The following CACNB2 variants were observed in gnomAD, a reference collection of about 807,000 sequenced individuals.
CACNB2 encodes calcium voltage-gated channel auxiliary subunit beta 2.
In CACNB2, 42 loss-of-function variants were observed where a neutral mutation model predicts 73.3. The ratio of observed to expected loss-of-function variants is 0.57; its 90% CI spans 0.45 to 0.74. The LOEUF (loss-of-function observed/expected upper bound fraction) is 0.74. CACNB2 is among the 30% of genes least tolerant of loss of function. The pLI is 0.00. For missense variants in CACNB2, 940 were observed against 853.0 expected, an observed-to-expected ratio of 1.10 and a Z score of -1.27; for synonymous variants, 348 against 310.3, an observed-to-expected ratio of 1.12 and a Z score of -1.28.
rs757040188 is a variant in CACNB2 at position 18,538,377 on chromosome 10, T to TTTTATATATATCTATATATAC, written c.1488+13_1488+33dup. ...CCTCTAATTCACAGGTAAGGGGAGT[T>TTTTATATATATCTATATATAC]TTTATATATATCTATATATACAATC... is the stretch of plus-strand genomic sequence containing the variant. On this transcript the variant is annotated intron_variant, in intron 13 of 13. Transcript: ENST00000324631. 4.1e-3 allele frequency: 6,655 copies of TTTTATATATATCTATATATAC among 1,609,424 alleles called. 28 individuals are homozygous for TTTTATATATATCTATATATAC. Among genetic ancestry groups the TTTTATATATATCTATATATAC allele is most frequent in the Non-Finnish European group, 5.3e-3 (6,210 of 1,175,750 alleles).
At chr10:18,499,940 C>T (rs960129869) in intron 4 of CACNB2, among the ~76,000 whole-genome samples, 1 of 152,016 alleles carries the variant, frequency 6.6e-6, no homozygotes, top group Non-Finnish European at 1.5e-5. Context: ...CACTGCACTC[C>T]AGCCTGGGCG....
At chr10:18,192,042 A>T (rs182267160) in intron 2 of CACNB2, among the ~76,000 whole-genome samples, 2 of 151,860 alleles carry the variant, frequency 1.3e-5, no homozygotes, top group Admixed American at 6.6e-5. Flanking sequence ...GGTACAAGTG[A>T]AATGGAAAGA....
chr10:18,535,606 A>G (rs955731151), intron 11 of CACNB2, among the ~76,000 whole-genome samples: 2 of 151,902 alleles, frequency 1.3e-5, no homozygotes, highest in African/African-American at 4.8e-5. Flanking sequence ...CCCCGTCTCT[A>G]CTAAAAATAC....
intron 2 of CACNB2, among the ~76,000 whole-genome samples, chr10:18,237,011 TG>T (rs1406558347): frequency 3.9e-5 from 6 of 152,148 alleles, no homozygotes; most frequent in Non-Finnish European, 8.8e-5. Context: ...GCAAGGCAAG[TG>T]CAAACATGGA....
chr10:18,339,062 C>T (rs145222736), intron 2 of CACNB2, among the ~76,000 whole-genome samples: 1 of 152,140 alleles, frequency 6.6e-6, no homozygotes, highest in East Asian at 1.9e-4. Flanking sequence ...TTTACTACAG[C>T]CCCTCGGTGT....
chr10:18,423,987 T>A (rs561102354), intron 3 of CACNB2, among the ~76,000 whole-genome samples: 4 of 152,042 alleles, frequency 2.6e-5, no homozygotes, highest in Non-Finnish European at 5.9e-5. Flanking sequence ...TCTTCTCAAT[T>A]TTTTTTGAAA....
intron 2 of CACNB2, among the ~76,000 whole-genome samples, chr10:18,195,705 G>A (rs1037478268): frequency 5.9e-5 from 9 of 152,232 alleles, no homozygotes; most frequent in African/African-American, 2.2e-4. Flanking sequence ...TGTGATACCT[G>A]CATTCGTTGA....
At chr10:18,308,586 A>G (rs1156333344) in intron 2 of CACNB2, among the ~76,000 whole-genome samples, 3 of 152,190 alleles carry the variant, frequency 2.0e-5, no homozygotes, top group Non-Finnish European at 2.9e-5. Context: ...TAAAATGGCA[A>G]TGCTGTAAAA....
chr10:18,400,558 C>T (rs1036726321), intron 2 of CACNB2: 117 of 994,272 alleles, frequency 1.2e-4, no homozygotes, highest in Non-Finnish European at 1.4e-4. Flanking sequence ...CCTCCCTCCG[C>T]CTCCCCCCTC....
rs2045857065 is a variant in CACNB2 at position 18,430,873 on chromosome 10, C to A, written c.333+28830C>A. Among the ~76,000 whole-genome samples the A allele has an allele frequency of 2.0e-5, 3 of 152,184 alleles. No individual in the cohort carries two copies. In the South Asian group the frequency reaches 6.2e-4, roughly 32 times the overall value. Reference sequence around the variant, plus strand: ...CCATTTTTGTATTTGCAGTTAGTGTCAACTGAAGGGATTAAGAAGATAATC... The same window carrying A: ...CCATTTTTGTATTTGCAGTTAGTGTAAACTGAAGGGATTAAGAAGATAATC... On this transcript the variant is annotated intron_variant, in intron 3 of 13. Coordinates refer to ENST00000324631, the MANE Select transcript of CACNB2 (RefSeq NM_201596.3).
In CACNB2 at chr10:18,437,063, A is replaced by G. The variant is rs541559191; in HGVS notation, c.333+35020A>G. ...TAAGTCACCTGATACATTTGACTTA[A>G]ATGTTTAAATAGAGATTTAACATTT... On this transcript the variant is annotated intron_variant, in intron 3 of 13. Coordinates refer to ENST00000324631, the MANE Select transcript of CACNB2 (RefSeq NM_201596.3). 3.0e-4 allele frequency among the ~76,000 whole-genome samples: 46 copies of G among 152,364 alleles called. No individual in the cohort carries two copies. In the East Asian group the frequency reaches 4.6e-3, roughly 15 times the overall value.
chr10:18,320,451 TG>T (rs1417207628), intron 2 of CACNB2, among the ~76,000 whole-genome samples: 44 of 152,334 alleles, frequency 2.9e-4, no homozygotes, highest in African/African-American at 9.9e-4. Context: ...GCAAAAATTT[TG>T]AAAAACTAGT....
At chr10:18,508,315 G>C (rs1275473839) in intron 6 of CACNB2, among the ~76,000 whole-genome samples, 1 of 152,116 alleles carries the variant, frequency 6.6e-6, no homozygotes, top group Non-Finnish European at 1.5e-5. Flanking sequence ...GAAAATGAAA[G>C]GCCCTGTAGG....
intron 3 of CACNB2, among the ~76,000 whole-genome samples, chr10:18,492,286 C>T (rs529100976): frequency 1.7e-3 from 254 of 152,316 alleles, no homozygotes; most frequent in African/African-American, 5.7e-3. Context: ...GGGACACAAA[C>T]TCAAACCATA....
At chr10:18,473,423 C>T (rs921395118) in intron 3 of CACNB2, among the ~76,000 whole-genome samples, 1 of 152,222 alleles carries the variant, frequency 6.6e-6, no homozygotes, top group South Asian at 2.1e-4. Context: ...AAAATATTGC[C>T]AGGCCCCAAG....
At chr10:18,450,567 C>T (rs74121231) in intron 3 of CACNB2, among the ~76,000 whole-genome samples, 5 of 151,248 alleles carry the variant, frequency 3.3e-5, no homozygotes, top group Admixed American at 6.6e-5. Context: ...TGTCAGAGTA[C>T]GGGAGAGGGA....
chr10:18,305,417 A>C (rs971824202), intron 2 of CACNB2, among the ~76,000 whole-genome samples: 2 of 152,330 alleles, frequency 1.3e-5, no homozygotes, highest in South Asian at 4.1e-4. Context: ...GTTGAAGTGG[A>C]GATTTGGCTA....
At chr10:18,338,692 T>G (rs1403185538) in intron 2 of CACNB2, among the ~76,000 whole-genome samples, 2 of 149,346 alleles carry the variant, frequency 1.3e-5, no homozygotes, top group Non-Finnish European at 3.0e-5. Context: ...CTTCCTTCCT[T>G]CCTTCCTTCC....
At chr10:18,339,048 G>A (rs538595868) in intron 2 of CACNB2, among the ~76,000 whole-genome samples, 9 of 152,026 alleles carry the variant, frequency 5.9e-5, no homozygotes, top group South Asian at 2.1e-4. Flanking sequence ...CCTGTTTCCC[G>A]TTTTTTACTA....
Sources: gnomAD v4.1 joint callset for allele counts (sites outside exome capture counted in the v4.1 genomes callset) on GRCh38, gnomAD v4.1.1 for gene constraint, MANE v1.5 for transcripts, NCBI Gene and HGNC (gene_info 2026-07-23, HGNC 2026-07-21) for gene names.